KCNK6: variants seen among roughly 807,000 people sequenced by gnomAD.
KCNK6 encodes potassium channel subfamily K member 6.
Under a neutral mutation model 21.9 loss-of-function variants are expected in KCNK6, and 20 were observed. The observed-to-expected ratio is 0.91, with a 90% confidence interval of 0.64 to 1.32. KCNK6 has a LOEUF of 1.32. KCNK6 is among the 40% of genes most tolerant of loss of function. The pLI is 0.00. For synonymous variants in KCNK6, 210 were observed against 218.0 expected (o/e 0.96, Z 0.32); for missense variants, 415 against 433.1 (o/e 0.96, Z 0.37).
rs1160507357 is a variant in KCNK6, at chr19:38,326,586, C to A, written c.323-7C>A. 7 of 1,603,036 alleles carry A rather than the reference C, an allele frequency of 4.4e-6. 1 individual carries two copies. The South Asian group carries it at 4.4e-5, about 10-fold the overall frequency. On this transcript the variant is annotated splice_polypyrimidine_tract_variant and splice_region_variant and intron_variant, in intron 1 of 2. Transcript: ENST00000263372. ...AGATTTACCCTTTACTCTCTTTACT[C>A]CCCTAGGCTATGGGTACACAACGCC...
Position 38,330,857 on chromosome 19 carries a change from C to G in KCNK6, c.*3454C>G, listed in dbSNP as rs747048724. On this transcript the variant is annotated 3_prime_UTR_variant, in exon 3 of 3. Coordinates refer to ENST00000263372, the MANE Select transcript of KCNK6 (RefSeq NM_004823.3). ...TTTTCCTATGGGAGCTCAGAAATAT[C>G]TGTTGTCTAGCCCTTTCTCAGCCTC... 1.3e-5 allele frequency: 2 copies of G among 152,290 alleles called. No individual in the cohort carries two copies. The highest frequency in any genetic ancestry group is 1.5e-5 in the Non-Finnish European group (1 of 68,036). The allele number at this position is 152,290 out of a possible 1,614,324, so 9.4% of individuals were successfully genotyped here.
At chr19:38,321,221 C>G (rs1969648224) in intron 1 of KCNK6, among the ~76,000 whole-genome samples, 1 of 152,224 alleles carries the variant, frequency 6.6e-6, no homozygotes, top group Non-Finnish European at 1.5e-5. Context: ...TCAGCAAGGA[C>G]CTGGCACCGC....
intron 1 of KCNK6, among the ~76,000 whole-genome samples, chr19:38,325,951 G>A (rs974322873): frequency 2.0e-5 from 3 of 152,284 alleles, no homozygotes; most frequent in Non-Finnish European, 2.9e-5. Context: ...GGGGAAGGGA[G>A]ACCCAGGAGG....
chr19:38,327,437 G>A lies in KCNK6; in HGVS notation c.*34G>A, dbSNP rs371025331. The A allele has an allele frequency of 6.3e-7, 1 of 1,592,316 alleles. No individual in the cohort carries two copies. Among genetic ancestry groups the A allele is most frequent in the African/African-American group, 1.3e-5 (1 of 74,662 alleles). On this transcript the variant is annotated 3_prime_UTR_variant, in exon 3 of 3. Transcript: ENST00000263372. ...GCCTCTGCCAGGCTTGGGTGTGCCTGGCCTGGGACTGAGGGGTCCAGGCGA... is the reference window on the plus strand; with the variant it reads ...GCCTCTGCCAGGCTTGGGTGTGCCTAGCCTGGGACTGAGGGGTCCAGGCGA...
At chr19:38,324,114 G>A (rs935213287) in intron 1 of KCNK6, among the ~76,000 whole-genome samples, 2 of 150,810 alleles carry the variant, frequency 1.3e-5, no homozygotes, top group Non-Finnish European at 3.0e-5. Flanking sequence ...TTTTTTTACA[G>A]AGATAGGGTC....
At chr19:38,320,905 C>A (rs1414792352) in intron 1 of KCNK6, among the ~76,000 whole-genome samples, 1 of 152,052 alleles carries the variant, frequency 6.6e-6, no homozygotes. Flanking sequence ...TCTGTCCAGC[C>A]CCCTCTAAGC....
rs1969758418 is a variant in KCNK6, at chr19:38,330,386, A to G, written c.*2983A>G. ...TGGCTCTCACCTATAATCCTAGCAA[A>G]TCGTAGTACTTTGGGAGGCCGAGGC... On this transcript the variant is annotated 3_prime_UTR_variant, in exon 3 of 3. Coordinates refer to ENST00000263372, the MANE Select transcript of KCNK6 (RefSeq NM_004823.3). 1 of 151,962 alleles carries G rather than the reference A, an allele frequency of 6.6e-6. No individual in the cohort carries two copies. Among genetic ancestry groups the G allele is most frequent in the Non-Finnish European group, 1.5e-5 (1 of 68,018 alleles). The allele number at this position is 151,962 out of a possible 1,614,324, so 9.4% of individuals were successfully genotyped here.
At chr19:38,320,300 CGAGGACCCGG>C (rs1969636235) in intron 1 of KCNK6, 28 bp downstream of exon 1, 1 of 1,601,758 alleles carries the variant, frequency 6.2e-7, no homozygotes, top group Admixed American at 1.7e-5. Context: ...CGCAAGGCGG[CGAGGACCCGG>C]GATCCCCACT....
Position 38,326,611 on chromosome 19 carries a change from C to A in KCNK6, c.341C>A (p.Pro114Gln), listed in dbSNP as rs761952939. The part of the protein sequence containing the change: ...ITTVGYGYTT[P>Q]LTDAGKAFSI... ...CCCCTAGGCTATGGGTACACAACGC[C>A]ACTGACTGATGCGGGCAAGGCCTTC... The change falls in exon 2 of 3, where the codon CCA becomes CAA. Residue 114 changes from proline to glutamine, a missense_variant. Physicochemically the swap from Pro to Gln is moderately conservative, Grantham distance 76. Coordinates refer to ENST00000263372, the MANE Select transcript of KCNK6 (RefSeq NM_004823.3). The A allele has an allele frequency of 2.5e-6, 4 of 1,611,164 alleles. No individual in the cohort carries two copies. The highest frequency in any genetic ancestry group is 3.3e-5 in the Admixed American group (2 of 59,946).
In KCNK6 at chr19:38,331,046, G is replaced by C. The variant is rs1969764281; in HGVS notation, c.*3643G>C. ...CTTTTTGGTCCAAGACATTAAAAAA[G>C]CCAGGCTCAGCGGCTCATGCCTGTA... On this transcript the variant is annotated 3_prime_UTR_variant, in exon 3 of 3. Coordinates refer to ENST00000263372, the MANE Select transcript of KCNK6 (RefSeq NM_004823.3). 1 of 152,232 alleles carries C rather than the reference G, an allele frequency of 6.6e-6. No homozygotes were observed. The highest frequency in any genetic ancestry group is 1.5e-5 in the Non-Finnish European group (1 of 68,054). 9.4% of individuals were successfully genotyped at this position (152,232 alleles called of 1,614,324 possible).
chr19:38,326,315 A>G (rs1969706143), intron 1 of KCNK6, among the ~76,000 whole-genome samples: 1 of 152,144 alleles, frequency 6.6e-6, no homozygotes, highest in Admixed American at 6.5e-5. Flanking sequence ...TTGGAAGGCA[A>G]AGGTGGGAGG....
Position 38,320,014 on chromosome 19 carries a change from G to T in KCNK6, c.64G>T (p.Ala22Ser), listed in dbSNP as rs1600419081. ...AAYAAYLVLG[A>S]LLVARLEGPH... ...GTACGCCGCGTACCTGGTGCTGGGCGCGCTGTTGGTGGCGCGGCTGGAGGG... is the reference window on the plus strand; with the variant it reads ...GTACGCCGCGTACCTGGTGCTGGGCTCGCTGTTGGTGGCGCGGCTGGAGGG... Residue 22 changes from alanine to serine, a missense_variant, in exon 1 of 3, where the codon GCG becomes TCG. Ala to Ser is a moderately conservative substitution (Grantham distance 99). Coordinates refer to ENST00000263372, the MANE Select transcript of KCNK6 (RefSeq NM_004823.3). 15 of 1,490,762 alleles carry T rather than the reference G, an allele frequency of 1.0e-5. No individual in the cohort carries two copies. In the East Asian group the frequency reaches 4.1e-4, roughly 41 times the overall value. The allele number at this position is 1,490,762 out of a possible 1,614,324, so 92.3% of individuals were successfully genotyped here.
chr19:38,319,961 G>A lies in KCNK6; in HGVS notation c.11G>A (p.Gly4Asp). The change falls in exon 1 of 3, where the codon GGC (glycine) becomes GAC (aspartate). Residue 4 changes from glycine (G) to aspartate (D), a missense_variant. Gly to Asp is a moderately conservative substitution (Grantham distance 94, BLOSUM62 -1). Transcript: ENST00000263372. ...GTCCCGGTGGGTGCCATGCGGAGGG[G>A]CGCGCTTCTGGCGGGCGCCTTGGCC... is the stretch of plus-strand genomic sequence containing the variant. The part of the protein sequence containing the change: MRR[G>D]ALLAGALAAY... 6.9e-7 allele frequency: 1 copy of A among 1,453,754 alleles called. No homozygotes were observed. The highest frequency in any genetic ancestry group is 9.0e-7 in the Non-Finnish European group (1 of 1,114,478). The allele number at this position is 1,453,754 out of a possible 1,614,324, so 90.1% of individuals were successfully genotyped here.
At position 38,330,748 on chromosome 19, in the gene KCNK6, G is replaced by A. The variant is rs1969762163; in HGVS notation, c.*3345G>A. 6.6e-6 allele frequency: 1 copy of A among 152,248 alleles called. No homozygotes were observed. The highest frequency in any genetic ancestry group is 1.5e-5 in the Non-Finnish European group (1 of 68,062). The allele number at this position is 152,248 out of a possible 1,614,324, so 9.4% of individuals were successfully genotyped here. Reference sequence around the variant, plus strand: ...TCTCTACATTTTACAGATGGGGGAAGGAGGTCCAGAGATGTTAAATACTTG... The same window carrying A: ...TCTCTACATTTTACAGATGGGGGAAAGAGGTCCAGAGATGTTAAATACTTG... On this transcript the variant is annotated 3_prime_UTR_variant, in exon 3 of 3. Coordinates refer to ENST00000263372, the MANE Select transcript of KCNK6 (RefSeq NM_004823.3).
chr19:38,320,651 C>T lies in KCNK6; in HGVS notation c.322+379C>T, dbSNP rs182092147. Among the ~76,000 whole-genome samples the T allele has an allele frequency of 1.1e-4, 16 of 152,162 alleles. No homozygotes were observed. In the East Asian group the frequency reaches 3.1e-3, roughly 29 times the overall value. On this transcript the variant is annotated intron_variant, in intron 1 of 2. Transcript: ENST00000263372. ...TCGGATCACGGCAGCCTCCGCCTCC[C>T]GGTTTCAAGCTATTCTCCTGCTTCA...
intron 1 of KCNK6, chr19:38,325,120 CTT>C (rs34568724): frequency 0.14 from 20,813 of 144,946 alleles, 1,667 homozygotes; most frequent in South Asian, 0.21. Flanking sequence ...ATCTCTAAAA[CTT>C]TTTTTTTTTT....
chr19:38,326,497 G>A, intron 1 of KCNK6, 96 bp from the exon 2 acceptor site: 1 of 1,387,008 alleles, frequency 7.2e-7, no homozygotes, highest in Admixed American at 2.1e-5. Flanking sequence ...ACTGCAGTAA[G>A]CTATGATGGC....
Position 38,319,983 on chromosome 19 carries a change from G to GGCCGCGTAC in KCNK6, c.43_51dup (p.Ala15_Tyr17dup). On this transcript the variant is annotated inframe_insertion, in exon 1 of 3. Transcript: ENST00000263372. ...GGGGCGCGCTTCTGGCGGGCGCCTTGGCCGCGTACGCCGCGTACCTGGTGC... is the reference window on the plus strand; with the variant it reads ...GGGGCGCGCTTCTGGCGGGCGCCTTGGCCGCGTACGCCGCGTACGCCGCGTACCTGGTGC... The GGCCGCGTAC allele has an allele frequency of 6.8e-7, 1 of 1,472,660 alleles. No homozygotes were observed. The highest frequency in any genetic ancestry group is 2.4e-4 in the Middle Eastern group (1 of 4,160). 91.2% of individuals were successfully genotyped at this position (1,472,660 alleles called of 1,614,324 possible). A position where few individuals can be genotyped will look rare whatever the true frequency, so the allele number is the denominator to read the frequency against.
rs1485805406 is a variant in KCNK6, at chr19:38,329,645, C to CA, written c.*2242_*2243insA. ...AATGACCAGCATGGGAACCTGGTCT[C>CA]TTTCCTGAGGGCCCTAGAGAGCCAT... On this transcript the variant is annotated 3_prime_UTR_variant, in exon 3 of 3. Transcript: ENST00000263372. 6 of 152,166 alleles carry CA rather than the reference C, an allele frequency of 3.9e-5. No individual in the cohort carries two copies. The highest frequency in any genetic ancestry group is 1.4e-4 in the African/African-American group (6 of 41,436). The allele number at this position is 152,166 out of a possible 1,614,324, so 9.4% of individuals were successfully genotyped here.
Sources: allele counts gnomAD v4.1 joint callset (sites outside exome capture counted in the v4.1 genomes callset), GRCh38; gene constraint gnomAD v4.1.1; transcripts MANE v1.5; gene names NCBI Gene and HGNC (gene_info 2026-07-23, HGNC 2026-07-21).